The following FBXL3 variants were observed in gnomAD, a reference collection of about 807,000 sequenced individuals.
FBXL3 encodes the protein F-box and leucine rich repeat protein 3.
FBXL3 carries 14 observed loss-of-function variants against 37.9 expected under a neutral mutation model. That is an observed-to-expected ratio of 0.37 (90% confidence interval 0.24 to 0.58). The LOEUF is 0.58. Among genes scored for constraint, FBXL3 ranks in the 20% least tolerant of loss-of-function variants. FBXL3 has a pLI of 0.74. For missense variants in FBXL3, 327 were observed against 511.1 expected, an observed-to-expected ratio of 0.64 and a Z score of 3.47; for synonymous variants, 194 against 180.1, an observed-to-expected ratio of 1.08 and a Z score of -0.62.
intron 1 of FBXL3, chr13:77,026,060 G>A (rs537177361): frequency 4.0e-6 from 2 of 498,316 alleles, no homozygotes; most frequent in South Asian, 8.6e-5. Flanking sequence ...AGAGATAACA[G>A]AAACTAAGTT....
At chr13:77,026,691 G>C (rs1375524739) in intron 1 of FBXL3, 136 bp downstream of exon 1, 1 of 149,640 alleles carries the variant, frequency 6.7e-6, no homozygotes, top group Non-Finnish European at 1.5e-5. Context: ...CGGCACTCCT[G>C]AGGAGCGGCC....
intron 2 of FBXL3, among the ~76,000 whole-genome samples, chr13:77,019,835 G>A (rs1183217562): frequency 2.0e-5 from 3 of 150,492 alleles, no homozygotes; most frequent in East Asian, 1.9e-4. Flanking sequence ...ATTTCCTCAG[G>A]AAAATTAAAA....
Position 77,021,876 on chromosome 13 carries a change from G to T in FBXL3, c.-1-15C>A, listed in dbSNP as rs780808406. On this transcript the variant is annotated splice_polypyrimidine_tract_variant and intron_variant, in intron 1 of 4. Transcript: ENST00000355619. ...CTCGTTTCATCCTATTCCGAAAAAT[G>T]CATCAGTTTTTTTCCTACTCAACTT... The T allele has an allele frequency of 1.9e-6, 3 of 1,564,066 alleles. No homozygotes were observed. The highest frequency in any genetic ancestry group is 2.6e-6 in the Non-Finnish European group (3 of 1,155,622).
At chr13:77,018,445 A>C in intron 3 of FBXL3, 155 bp downstream of exon 3, 1 of 521,118 alleles carries the variant, frequency 1.9e-6, no homozygotes, top group Non-Finnish European at 2.9e-6. Context: ...AAAAAGCTTA[A>C]AAAAATACTA....
chr13:77,022,823 T>C (rs1355282284), intron 1 of FBXL3, among the ~76,000 whole-genome samples: 1 of 152,236 alleles, frequency 6.6e-6, no homozygotes, highest in Non-Finnish European at 1.5e-5. Context: ...AAAACAGTAT[T>C]ATGGCTAAAG....
rs1017439287 is a variant in FBXL3 at position 77,007,057 on chromosome 13, ATAG to A, written c.*85_*87del. On this transcript the variant is annotated 3_prime_UTR_variant, in exon 5 of 5. Transcript: ENST00000355619. ...AGATATCAAATTTCTGTGCCACAAA[ATAG>A]TAGAATTATATCAGAACTACAGCAA... 154 of 1,483,176 alleles carry A rather than the reference ATAG, an allele frequency of 1.0e-4. No homozygotes were observed. The highest frequency in any genetic ancestry group is 1.4e-4 in the Admixed American group (6 of 42,568). 91.9% of individuals were successfully genotyped at this position (1,483,176 alleles called of 1,614,324 possible). A position where few individuals can be genotyped will look rare whatever the true frequency, so the allele number is the denominator to read the frequency against.
At chr13:77,014,719 A>C (rs904149726) in intron 4 of FBXL3, 1 of 152,278 alleles carries the variant, frequency 6.6e-6, no homozygotes, top group African/African-American at 2.4e-5. Flanking sequence ...AAGGATCAGC[A>C]AACATGTCAA....
At chr13:77,013,594 C>T (rs951497890) in intron 4 of FBXL3, 2 of 152,182 alleles carry the variant, frequency 1.3e-5, no homozygotes, top group African/African-American at 4.8e-5. Context: ...ATTAAGAAAA[C>T]CTAACTCTGA....
chr13:77,026,730 C>T (rs865855347), intron 1 of FBXL3, 97 bp downstream of exon 1: 6 of 127,084 alleles, frequency 4.7e-5, no homozygotes, highest in Middle Eastern at 3.8e-3. Context: ...CGCGCCCCCC[C>T]CCACCCCACC....
At chr13:77,026,051 GAGATAACAGAAACTA>G (rs2034832860) in intron 1 of FBXL3, 1 of 423,172 alleles carries the variant, frequency 2.4e-6, no homozygotes, top group Non-Finnish European at 3.2e-6. Flanking sequence ...AAATATTTCA[GAGATAACAGAAACTA>G]AGTTACTTTT....
In FBXL3 at chr13:77,007,353, T is replaced by G; in HGVS notation, c.1079A>C (p.Asn360Thr). Residue 360 changes from asparagine to threonine, a missense_variant, in exon 5 of 5, where the codon AAT (asparagine) becomes ACT (threonine). By Grantham distance (65) the Asn-to-Thr change is moderately conservative (BLOSUM62 0). Transcript: ENST00000355619. ...TTCCCCTAGTCCAATAGCTGACAAA[T>G]TTTTGCAACGTTCTGCAATGCGAAT... is the stretch of plus-strand genomic sequence containing the variant. ...ELIRIAERCK[N>T]LSAIGLGECE... The G allele has an allele frequency of 6.2e-7, 1 of 1,614,122 alleles. No individual in the cohort carries two copies. The highest frequency in any genetic ancestry group is 8.5e-7 in the Non-Finnish European group (1 of 1,180,026).
At chr13:77,018,430 A>G in intron 3 of FBXL3, 170 bp downstream of exon 3, 1 of 437,008 alleles carries the variant, frequency 2.3e-6, no homozygotes, top group East Asian at 4.2e-5. Flanking sequence ...TTAAAAAAAA[A>G]AAAAAAAAAG....
In FBXL3 at chr13:77,023,426, GACTC is replaced by G. The variant is rs1455105226; in HGVS notation, c.-1-1569_-1-1566del. ...TACGAGAAAACACACCCTGGAAGTA[GACTC>G]ACTGAATTATTATAGTAACCAACAG... On this transcript the variant is annotated intron_variant, in intron 1 of 4. Transcript: ENST00000355619. Among the ~76,000 whole-genome samples the G allele has an allele frequency of 5.9e-5, 9 of 152,220 alleles. No individual in the cohort carries two copies. In the East Asian group the frequency reaches 1.7e-3, roughly 29 times the overall value.
intron 4 of FBXL3, chr13:77,013,656 A>G (rs2034592970): frequency 6.6e-6 from 1 of 152,218 alleles, no homozygotes; most frequent in South Asian, 2.1e-4. Context: ...CCAAGCCCCT[A>G]CCTGCCAAAT....
In FBXL3 at chr13:77,026,941, C is replaced by T. The variant is rs1482739185; in HGVS notation, c.-116G>A. The T allele has an allele frequency of 6.6e-6, 1 of 151,410 alleles. No individual in the cohort carries two copies. Among genetic ancestry groups the T allele is most frequent in the African/African-American group, 2.4e-5 (1 of 41,216 alleles). 9.4% of individuals were successfully genotyped at this position (151,410 alleles called of 1,614,324 possible). A position where few individuals can be genotyped will look rare whatever the true frequency, so the allele number is the denominator to read the frequency against. On this transcript the variant is annotated 5_prime_UTR_variant, in exon 1 of 5. Transcript: ENST00000355619. The stretch of plus-strand genomic sequence containing the variant: ...CCTGGCCCCCCGCTTCGCGCTCCCG[C>T]AGCCGCGGCCCCCCGCGCTCCGCCC...
At chr13:77,012,759 A>G (rs1244884532) in intron 4 of FBXL3, 2 of 152,188 alleles carry the variant, frequency 1.3e-5, no homozygotes, top group Non-Finnish European at 1.5e-5. Flanking sequence ...ATGCTCTTCA[A>G]ATAGAAAGTA....
At chr13:77,013,424 A>T (rs1009980498) in intron 4 of FBXL3, 2 of 152,186 alleles carry the variant, frequency 1.3e-5, no homozygotes, top group African/African-American at 2.4e-5. Flanking sequence ...CAAGAGTCTG[A>T]ACCTCCCCAA....
chr13:77,024,082 C>G (rs897478508), intron 1 of FBXL3, among the ~76,000 whole-genome samples: 1 of 152,064 alleles, frequency 6.6e-6, no homozygotes, highest in African/African-American at 2.4e-5. Flanking sequence ...AGAAGGTAGT[C>G]TGATGGAAGA....
chr13:77,011,857 C>G (rs75343734), intron 4 of FBXL3, among the ~76,000 whole-genome samples: 1 of 152,056 alleles, frequency 6.6e-6, no homozygotes, highest in Non-Finnish European at 1.5e-5. Context: ...CTGCTAGTGG[C>G]TATGTAAAGT....
Sources: allele counts gnomAD v4.1 joint callset (sites outside exome capture counted in the v4.1 genomes callset), GRCh38; gene constraint gnomAD v4.1.1; transcripts MANE v1.5; gene names NCBI Gene and HGNC (gene_info 2026-07-23, HGNC 2026-07-21).